RAD51B: variants seen among roughly 807,000 people sequenced by gnomAD.
The protein encoded by RAD51B is DNA repair protein RAD51 homolog 2.
Under a neutral mutation model 42.2 loss-of-function variants are expected in RAD51B, and 38 were observed. The observed-to-expected ratio is 0.90, with a 90% CI of 0.70 to 1.18. The LOEUF (loss-of-function observed/expected upper bound fraction) is 1.18. Ranked by LOEUF, RAD51B falls within the 50% of genes most tolerant of loss-of-function variation. The probability of loss-of-function intolerance (pLI) is 0.00; values close to 1 mark genes in which losing one functional copy is unlikely to be tolerated. For missense variants in RAD51B, 373 were observed against 400.7 expected (o/e 0.93, Z 0.59); for synonymous variants, 154 against 145.2 (o/e 1.06, Z -0.43).
Position 68,594,483 on chromosome 14 carries a change from A to G in RAD51B, c.1037-2A>G. The G allele has an allele frequency of 2.9e-6, 4 of 1,367,898 alleles. No individual in the cohort carries two copies. Among genetic ancestry groups the G allele is most frequent in the Non-Finnish European group, 3.9e-6 (4 of 1,030,836 alleles). 84.7% of individuals were successfully genotyped at this position (1,367,898 alleles called of 1,614,324 possible). A position where few individuals can be genotyped will look rare whatever the true frequency, so the allele number is the denominator to read the frequency against. ...ACTTCCTTTTTTTTCTCTCTCTCTT[A>G]GAGACAACATTTTGCTCTGTCACCC... On this transcript the variant is annotated splice_acceptor_variant, in intron 10 of 10. Transcript: ENST00000487270. LOFTEE classifies it high-confidence loss of function.
chr14:68,195,479 A>G (rs6573819), intron 7 of RAD51B, among the ~76,000 whole-genome samples: 7,528 of 152,250 alleles, frequency 0.049, 610 homozygotes, highest in African/African-American at 0.16. Flanking sequence ...AGGATGACCT[A>G]CAATTAAAAA....
chr14:67,983,045 G>A (rs2075124192), intron 7 of RAD51B, among the ~76,000 whole-genome samples: 1 of 152,102 alleles, frequency 6.6e-6, no homozygotes, highest in South Asian at 2.1e-4. Context: ...CTGGGTGACG[G>A]AGGGAGAAAG....
chr14:68,197,499 A>C (rs1477887582), intron 7 of RAD51B, among the ~76,000 whole-genome samples: 1 of 152,170 alleles, frequency 6.6e-6, no homozygotes, highest in South Asian at 2.1e-4. Flanking sequence ...GAATATGCTT[A>C]TACAAGTTCT....
chr14:67,931,216 C>T (rs1190513752), intron 7 of RAD51B, among the ~76,000 whole-genome samples: 1 of 152,134 alleles, frequency 6.6e-6, no homozygotes, highest in Non-Finnish European at 1.5e-5. Context: ...CCACCGCGTC[C>T]TGCCTGGCTG....
chr14:68,563,558 C>T (rs569382694), intron 10 of RAD51B: 2 of 985,448 alleles, frequency 2.0e-6, no homozygotes, highest in African/African-American at 3.5e-5. Context: ...AGATTAGAAC[C>T]AGCCATTTCT....
chr14:68,053,877 C>T (rs1443064947), intron 7 of RAD51B, among the ~76,000 whole-genome samples: 3 of 152,152 alleles, frequency 2.0e-5, no homozygotes, highest in South Asian at 2.1e-4. Flanking sequence ...AAATATTGAT[C>T]TCACTTTGCT....
chr14:68,415,030 T>TAAAA (rs1160426613), intron 9 of RAD51B, among the ~76,000 whole-genome samples: 2 of 15,824 alleles, frequency 1.3e-4, no homozygotes, highest in Non-Finnish European at 1.8e-4. Context: ...AGACTCTGTC[T>TAAAA]CAAAAAAAAA....
At chr14:67,877,383 C>T (rs1002003600) in intron 5 of RAD51B, among the ~76,000 whole-genome samples, 1 of 151,980 alleles carries the variant, frequency 6.6e-6, no homozygotes, top group Non-Finnish European at 1.5e-5. Context: ...GAACTCATAT[C>T]CTCTTTCCAC....
At chr14:68,085,352 A>T (rs1166424903) in intron 7 of RAD51B, among the ~76,000 whole-genome samples, 3 of 152,150 alleles carry the variant, frequency 2.0e-5, no homozygotes. Flanking sequence ...GAAGTAGATA[A>T]CATTATCCAA....
intron 10 of RAD51B, among the ~76,000 whole-genome samples, chr14:68,581,976 C>A (rs185628625): frequency 6.6e-6 from 1 of 152,214 alleles, no homozygotes; most frequent in African/African-American, 2.4e-5. Context: ...TGAAATTGGA[C>A]CCCTTCCTTA....
At chr14:68,300,696 G>C (rs2081711862) in intron 8 of RAD51B, among the ~76,000 whole-genome samples, 1 of 152,196 alleles carries the variant, frequency 6.6e-6, no homozygotes, top group African/African-American at 2.4e-5. Context: ...GGAGGGGAGA[G>C]ACGTCTCTTC....
chr14:68,286,467 C>T (rs2081416343), intron 7 of RAD51B, among the ~76,000 whole-genome samples: 1 of 152,184 alleles, frequency 6.6e-6, no homozygotes, highest in East Asian at 1.9e-4. Context: ...TGGCTGACCA[C>T]AAACTCCCTC....
At chr14:68,628,632 C>T (rs1006384682) in intron 10 of RAD51B, among the ~76,000 whole-genome samples, 1 of 152,174 alleles carries the variant, frequency 6.6e-6, no homozygotes, top group African/African-American at 2.4e-5. Flanking sequence ...GCGATGGGGA[C>T]GCTCCGGTTG....
intron 4 of RAD51B, among the ~76,000 whole-genome samples, chr14:67,854,508 C>A (rs2041922501): frequency 6.6e-6 from 1 of 151,580 alleles, no homozygotes. Flanking sequence ...GTGGCATGCG[C>A]CTGTTGTGCC....
At chr14:68,370,307 A>G (rs912307289) in intron 8 of RAD51B, among the ~76,000 whole-genome samples, 3 of 152,236 alleles carry the variant, frequency 2.0e-5, no homozygotes. Flanking sequence ...AGGGCAACTG[A>G]TCCAATAATA....
At chr14:68,220,082 C>T (rs2079894323) in intron 7 of RAD51B, among the ~76,000 whole-genome samples, 1 of 152,166 alleles carries the variant, frequency 6.6e-6, no homozygotes. Context: ...GAAAAAAGAC[C>T]TTCAGAGCTC....
At chr14:68,243,059 G>C (rs1174492172) in intron 7 of RAD51B, among the ~76,000 whole-genome samples, 5 of 152,172 alleles carry the variant, frequency 3.3e-5, no homozygotes, top group Admixed American at 2.6e-4. Flanking sequence ...AATACCATAA[G>C]TAGTGTGTGC....
intron 9 of RAD51B, among the ~76,000 whole-genome samples, chr14:68,460,729 G>A (rs1163427778): frequency 6.6e-6 from 1 of 152,152 alleles, no homozygotes; most frequent in Non-Finnish European, 1.5e-5. Flanking sequence ...TTGGAAGTGG[G>A]ATCAGGCCAG....
At chr14:68,570,957 A>C (rs978433281) in intron 10 of RAD51B, among the ~76,000 whole-genome samples, 13 of 152,072 alleles carry the variant, frequency 8.5e-5, no homozygotes, top group Middle Eastern at 3.2e-3. Flanking sequence ...TCGTGTCTTC[A>C]TGAGCTTTCC....
Sources: gnomAD v4.1 joint callset for allele counts (sites outside exome capture counted in the v4.1 genomes callset) on GRCh38, gnomAD v4.1.1 for gene constraint, MANE v1.5 for transcripts, NCBI Gene and HGNC (gene_info 2026-07-23, HGNC 2026-07-21) for gene names.